PTPRU: variants seen among roughly 807,000 people sequenced by gnomAD.
PTPRU encodes protein tyrosine phosphatase receptor type U, also known as receptor-type tyrosine-protein phosphatase U.
A neutral mutation model predicts 166.3 loss-of-function variants in PTPRU; 69 were observed. The observed-to-expected ratio is 0.41, with a 90% confidence interval of 0.34 to 0.51. PTPRU has a LOEUF of 0.51. Ranked by LOEUF, PTPRU falls within the 20% of genes least tolerant of loss-of-function variation. PTPRU has a pLI of 0.09. For missense variants in PTPRU, 1,657 were observed against 2,013.7 expected (o/e 0.82, Z 3.39); for synonymous variants, 793 against 814.0 (o/e 0.97, Z 0.44).
intron 7 of PTPRU, among the ~76,000 whole-genome samples, chr1:29,264,466 T>G (rs546186211): frequency 2.2e-4 from 33 of 152,244 alleles, no homozygotes; most frequent in African/African-American, 7.9e-4. Context: ...CACTTTGAGT[T>G]AATTTTTCAA....
At chr1:29,273,795 G>T (rs965112510) in intron 7 of PTPRU, among the ~76,000 whole-genome samples, 1 of 152,106 alleles carries the variant, frequency 6.6e-6, no homozygotes, top group Non-Finnish European at 1.5e-5. Context: ...TTCTGCTGGG[G>T]TAGCTCGCTC....
At chr1:29,284,465 C>T (rs927926798) in intron 13 of PTPRU, among the ~76,000 whole-genome samples, 5 of 152,144 alleles carry the variant, frequency 3.3e-5, no homozygotes, top group African/African-American at 9.7e-5. Flanking sequence ...CTCCCCTATC[C>T]ACTGAGAGCT....
chr1:29,321,637 G>C (rs964041257), intron 26 of PTPRU, among the ~76,000 whole-genome samples: 1 of 152,188 alleles, frequency 6.6e-6, no homozygotes, highest in Admixed American at 6.5e-5. Flanking sequence ...TTGATCTAGG[G>C]TAAGTTGATT....
chr1:29,242,277 G>C (rs1228069937), intron 1 of PTPRU, among the ~76,000 whole-genome samples: 4 of 152,196 alleles, frequency 2.6e-5, no homozygotes, highest in Non-Finnish European at 5.9e-5. Flanking sequence ...TCCACAAGGG[G>C]TGTGGACGTG....
At position 29,325,808 on chromosome 1, in the gene PTPRU, C is replaced by A; in HGVS notation, c.*147C>A. On this transcript the variant is annotated 3_prime_UTR_variant, in exon 30 of 30. Transcript: ENST00000373779. ...TGGATGCTGGGCTATCTTGCTCCCCCTTCCACTGTGGGCAGGGCCTTTCGC... is the reference window on the plus strand; with the variant it reads ...TGGATGCTGGGCTATCTTGCTCCCCATTCCACTGTGGGCAGGGCCTTTCGC... 1.1e-6 allele frequency: 1 copy of A among 921,890 alleles called. No individual in the cohort carries two copies. The highest frequency in any genetic ancestry group is 1.6e-6 in the Non-Finnish European group (1 of 635,196). The allele number at this position is 921,890 out of a possible 1,614,324, so 57.1% of individuals were successfully genotyped here.
chr1:29,238,826 A>G lies in PTPRU; in HGVS notation c.73+2109A>G, dbSNP rs899264158. On this transcript the variant is annotated intron_variant, in intron 1 of 29. Transcript: ENST00000373779. The surrounding 1 kb of genome is among the most constrained non-coding windows in gnomAD (Gnocchi z 6.1). ...ATTTCAAGAACACTCACAAGCCCCA[A>G]GCCCTGCCAGCAGGAGGACTGTCAG... is the stretch of plus-strand genomic sequence containing the variant. Among the ~76,000 whole-genome samples, 1 of 152,124 alleles carries G rather than the reference A, an allele frequency of 6.6e-6. No individual in the cohort carries two copies. The highest frequency in any genetic ancestry group is 2.1e-4 in the South Asian group (1 of 4,824).
chr1:29,289,776 C>T, intron 14 of PTPRU: 1 of 1,580,856 alleles, frequency 6.3e-7, no homozygotes, highest in African/African-American at 1.3e-5. Context: ...CCTGTCCCCG[C>T]CTTCTCTGGT....
At chr1:29,313,796 A>G (rs1302279933) in intron 22 of PTPRU, among the ~76,000 whole-genome samples, 1 of 152,186 alleles carries the variant, frequency 6.6e-6, no homozygotes, top group Non-Finnish European at 1.5e-5. Context: ...TCCAGGTTAC[A>G]GTAAACTGTA....
intron 12 of PTPRU, 95 bp from the exon 13 acceptor site, chr1:29,283,845 C>G (rs1472527376): frequency 6.8e-7 from 1 of 1,461,762 alleles, no homozygotes. Context: ...AGACAAAGCC[C>G]TGAACAGGCC....
At chr1:29,253,129 T>G (rs1684629064) in intron 1 of PTPRU, among the ~76,000 whole-genome samples, 1 of 152,202 alleles carries the variant, frequency 6.6e-6, no homozygotes, top group African/African-American at 2.4e-5. Flanking sequence ...AGGATACAGA[T>G]GAAGAGATGC....
chr1:29,254,555 G>C (rs1684690265), intron 1 of PTPRU, among the ~76,000 whole-genome samples: 1 of 152,216 alleles, frequency 6.6e-6, no homozygotes, highest in Non-Finnish European at 1.5e-5. Flanking sequence ...TTTGGGCAAT[G>C]ACTGAATTCC....
In PTPRU at chr1:29,315,350, T is replaced by C; in HGVS notation, c.3228-22T>C. 6.2e-7 allele frequency: 1 copy of C among 1,613,864 alleles called. No homozygotes were observed. The highest frequency in any genetic ancestry group is 8.5e-7 in the Non-Finnish European group (1 of 1,180,018). Reference sequence around the variant, plus strand: ...CTTCCTCCCCAAAGCTCTGACCTGGTCTGGGGCTGCTCTCTCTCCAGCGCG... The same window carrying C: ...CTTCCTCCCCAAAGCTCTGACCTGGCCTGGGGCTGCTCTCTCTCCAGCGCG... On this transcript the variant is annotated intron_variant, in intron 22 of 29. Coordinates refer to ENST00000373779, the MANE Select transcript of PTPRU (RefSeq NM_133178.4). This position sits in a 1 kb window ranked among gnomAD's most constrained non-coding sequence, Gnocchi z 4.5.
At chr1:29,256,077 C>T (rs1359874180) in intron 2 of PTPRU, among the ~76,000 whole-genome samples, 1 of 152,184 alleles carries the variant, frequency 6.6e-6, no homozygotes, top group African/African-American at 2.4e-5. Flanking sequence ...AGCAGTGTCA[C>T]TTAACGTATC....
intron 7 of PTPRU, among the ~76,000 whole-genome samples, chr1:29,262,552 A>G (rs1685116785): frequency 6.6e-6 from 1 of 152,156 alleles, no homozygotes; most frequent in African/African-American, 2.4e-5. Context: ...ATTATTAGTT[A>G]TTGTTGTGAG....
intron 26 of PTPRU, among the ~76,000 whole-genome samples, chr1:29,321,196 A>ATTTTTT (rs71025210): frequency 1.0e-5 from 1 of 100,384 alleles, no homozygotes; most frequent in Non-Finnish European, 2.0e-5. Flanking sequence ...CAGCTGTCTG[A>ATTTTTT]TTTTTTTTTT....
chr1:29,261,364 C>T (rs1685059386), intron 7 of PTPRU, among the ~76,000 whole-genome samples: 1 of 152,138 alleles, frequency 6.6e-6, no homozygotes, highest in Non-Finnish European at 1.5e-5. Context: ...TAGCTGGTTT[C>T]TCTTGTCTGG....
chr1:29,320,502 C>A lies in PTPRU; in HGVS notation c.3688-183C>A. ...TTGGTCCCCAGAGGCCTGGGCCCAC[C>A]CTGTCAACCCAGGCCTCAGTGTGCC... On this transcript the variant is annotated intron_variant, in intron 25 of 29. Coordinates refer to ENST00000373779, the MANE Select transcript of PTPRU (RefSeq NM_133178.4). The surrounding 1 kb of genome is among the most constrained non-coding windows in gnomAD (Gnocchi z 5.2). 1.7e-6 allele frequency: 1 copy of A among 584,056 alleles called. No individual in the cohort carries two copies. Among genetic ancestry groups the A allele is most frequent in the Non-Finnish European group, 2.7e-6 (1 of 374,974 alleles). The allele number at this position is 584,056 out of a possible 1,614,324, so 36.2% of individuals were successfully genotyped here.
intron 8 of PTPRU, among the ~76,000 whole-genome samples, chr1:29,278,143 A>G (rs1685903540): frequency 6.6e-6 from 1 of 151,830 alleles, no homozygotes; most frequent in Non-Finnish European, 1.5e-5. Flanking sequence ...TAAGAGCTAC[A>G]CTCGAATGCT....
At chr1:29,270,662 C>T (rs1176722482) in intron 7 of PTPRU, among the ~76,000 whole-genome samples, 1 of 152,122 alleles carries the variant, frequency 6.6e-6, no homozygotes, top group African/African-American at 2.4e-5. Flanking sequence ...AAGTAACTTG[C>T]CTGAAGCCAC....
Sources: gnomAD v4.1 joint callset for allele counts (sites outside exome capture counted in the v4.1 genomes callset) on GRCh38, gnomAD v4.1.1 for gene constraint, Gnocchi (gnomAD v3.1) non-coding constraint, MANE v1.5 for transcripts, NCBI Gene and HGNC (gene_info 2026-07-23, HGNC 2026-07-21) for gene names.